Variants in SLC8A1 observed in about 807,000 individuals in gnomAD.
SLC8A1 encodes the protein sodium/calcium exchanger 1.
Under a neutral mutation model 68.3 loss-of-function variants are expected in SLC8A1, and 18 were observed. That is an observed-to-expected ratio of 0.26 (90% CI 0.18 to 0.39). SLC8A1 has a LOEUF of 0.39. SLC8A1 is among the 10% of genes least tolerant of loss of function. The pLI is 1.00. For synonymous variants in SLC8A1, 475 were observed against 415.5 expected (o/e 1.14, Z -1.74); for missense variants, 985 against 1,156.7 (o/e 0.85, Z 2.15).
chr2:40,472,290 A>G lies in SLC8A1; in HGVS notation c.-25+40059T>C, dbSNP rs552639486. Among the ~76,000 whole-genome samples the G allele has an allele frequency of 2.0e-5, 3 of 152,324 alleles. No homozygotes were observed. In the South Asian group the frequency reaches 6.2e-4, roughly 32 times the overall value. ...TTCCTTTAATCTCTGTGAGCTTCGT[A>G]AAATTGCCCCTTTTATAAGATGGAA... is the stretch of plus-strand genomic sequence containing the variant. On this transcript the variant is annotated intron_variant, in intron 1 of 7. Coordinates refer to the SLC8A1 transcript ENST00000402441.
chr2:40,320,074 G>T (rs1332110102), intron 2 of SLC8A1, among the ~76,000 whole-genome samples: 2 of 151,904 alleles, frequency 1.3e-5, no homozygotes, highest in Admixed American at 1.3e-4. Context: ...AATAAATATT[G>T]GTATTTGTCT....
chr2:40,286,311 C>T (rs2068302718), intron 2 of SLC8A1, among the ~76,000 whole-genome samples: 1 of 152,168 alleles, frequency 6.6e-6, no homozygotes, highest in Non-Finnish European at 1.5e-5. Flanking sequence ...ATTCAAGCTT[C>T]CATACTGTCA....
chr2:40,272,850 T>G (rs1404492782), intron 2 of SLC8A1, among the ~76,000 whole-genome samples: 1 of 152,208 alleles, frequency 6.6e-6, no homozygotes, highest in African/African-American at 2.4e-5. Flanking sequence ...CAAGTACGAT[T>G]TGGAGCACTG....
intron 2 of SLC8A1, among the ~76,000 whole-genome samples, chr2:40,278,931 T>C (rs1487768472): frequency 1.3e-5 from 2 of 152,228 alleles, no homozygotes; most frequent in Non-Finnish European, 2.9e-5. Context: ...AAAGCCCAGA[T>C]GCTTAAATAT....
intron 2 of SLC8A1, among the ~76,000 whole-genome samples, chr2:40,354,526 A>C (rs1168861978): frequency 6.6e-6 from 1 of 152,114 alleles, no homozygotes; most frequent in Non-Finnish European, 1.5e-5. Context: ...CATAATTCAC[A>C]CAGTCAGTCT....
At chr2:40,220,667 G>T (rs2058193089) in intron 2 of SLC8A1, among the ~76,000 whole-genome samples, 1 of 152,092 alleles carries the variant, frequency 6.6e-6, no homozygotes, top group South Asian at 2.1e-4. Context: ...CTATTTTAGG[G>T]CATGGATGTG....
In SLC8A1 at chr2:40,481,555, T is replaced by G. The variant is rs79306917; in HGVS notation, c.-25+30794A>C. ...ATGTCTGATAACTGTTAGATCCTTC[T>G]TCTTTCTCTGTAAGAACCATAGTTC... On this transcript the variant is annotated intron_variant, in intron 1 of 7. Coordinates refer to the SLC8A1 transcript ENST00000402441. 3.6e-3 allele frequency among the ~76,000 whole-genome samples: 549 copies of G among 152,336 alleles called. 3 individuals carry two copies. Among genetic ancestry groups the G allele is most frequent in the African/African-American group, 0.013 (523 of 41,560 alleles).
chr2:40,224,738 C>G (rs1444551115), intron 2 of SLC8A1, among the ~76,000 whole-genome samples: 1 of 152,130 alleles, frequency 6.6e-6, no homozygotes, highest in Non-Finnish European at 1.5e-5. Context: ...TACAACTCCT[C>G]AAACAGGAAT....
chr2:40,234,074 T>G (rs1398952795), intron 2 of SLC8A1, among the ~76,000 whole-genome samples: 2 of 152,210 alleles, frequency 1.3e-5, no homozygotes, highest in South Asian at 2.1e-4. Flanking sequence ...ACTGACTTGG[T>G]GATGCAGGCT....
In SLC8A1 at chr2:40,395,901, A is replaced by G. The variant is rs187881667; in HGVS notation, c.1808+32572T>C. On this transcript the variant is annotated intron_variant, in intron 2 of 7. Transcript: ENST00000406785. ...CCATTCATTTTTACTAATAGTATGC[A>G]TGGAGAATGAACACACGCTGCCTTT... 1.8e-4 allele frequency among the ~76,000 whole-genome samples: 27 copies of G among 152,298 alleles called. No homozygotes were observed. In the East Asian group the frequency reaches 5.2e-3, roughly 29 times the overall value.
intron 7 of SLC8A1, among the ~76,000 whole-genome samples, chr2:40,117,600 C>A (rs145268477): frequency 1.3e-5 from 2 of 151,758 alleles, no homozygotes; most frequent in Non-Finnish European, 2.9e-5. Flanking sequence ...GTCCTTTCAG[C>A]TACCTTGCAC....
At chr2:40,433,913 T>G (rs1698890933) in intron 1 of SLC8A1, among the ~76,000 whole-genome samples, 1 of 152,146 alleles carries the variant, frequency 6.6e-6, no homozygotes, top group Admixed American at 6.6e-5. Flanking sequence ...AGCCTGGCTT[T>G]TATCTTATGC....
chr2:40,143,951 T>A (rs945571618), intron 6 of SLC8A1, among the ~76,000 whole-genome samples: 8 of 152,276 alleles, frequency 5.3e-5, no homozygotes, highest in Admixed American at 3.9e-4. Flanking sequence ...CACTTAAATT[T>A]CCCAAGCCTC....
intron 7 of SLC8A1, among the ~76,000 whole-genome samples, chr2:40,129,233 C>CT (rs1558460258): frequency 1.8e-4 from 24 of 132,626 alleles, no homozygotes; most frequent in African/African-American, 7.1e-4. Flanking sequence ...TGAGATGTTT[C>CT]ATTTTTTTTT....
At chr2:40,299,991 C>T (rs1031583846) in intron 2 of SLC8A1, among the ~76,000 whole-genome samples, 11 of 152,062 alleles carry the variant, frequency 7.2e-5, no homozygotes, top group African/African-American at 1.9e-4. Flanking sequence ...AAAGGAATTG[C>T]GCATACAGCA....
At chr2:40,301,861 C>T (rs1391592729) in intron 2 of SLC8A1, among the ~76,000 whole-genome samples, 1 of 152,014 alleles carries the variant, frequency 6.6e-6, no homozygotes, top group Admixed American at 6.6e-5. Flanking sequence ...AGTATATATA[C>T]TGAACCCCAA....
chr2:40,409,686 C>T (rs1241284788), intron 2 of SLC8A1, among the ~76,000 whole-genome samples: 1 of 152,204 alleles, frequency 6.6e-6, no homozygotes, highest in Non-Finnish European at 1.5e-5. Flanking sequence ...ATAGCATGCT[C>T]AAGGTTTTGG....
upstream of SLC8A1, among the ~76,000 whole-genome samples, chr2:40,456,316 C>CAAAAAAAA (rs67747641): frequency 2.0e-5 from 2 of 102,446 alleles, no homozygotes; most frequent in Non-Finnish European, 3.9e-5. Flanking sequence ...GACTCCGTCT[C>CAAAAAAAA]AAAAAAAAAA....
intron 2 of SLC8A1, among the ~76,000 whole-genome samples, chr2:40,306,113 A>T (rs2072539055): frequency 6.6e-6 from 1 of 152,202 alleles, no homozygotes; most frequent in South Asian, 2.1e-4. Flanking sequence ...ACATCTCACC[A>T]TGCATACATA....
Sources: gnomAD v4.1 joint callset for allele counts (sites outside exome capture counted in the v4.1 genomes callset) on GRCh38, gnomAD v4.1.1 for gene constraint, MANE v1.5 for transcripts, NCBI Gene and HGNC (gene_info 2026-07-23, HGNC 2026-07-21) for gene names.